EEF1AKMT1: variants seen among roughly 807,000 people sequenced by gnomAD.
EEF1AKMT1 encodes the protein EEF1A lysine methyltransferase 1, also known as N-6 adenine-specific DNA methyltransferase 2 (putative).
Under a neutral mutation model 21.0 loss-of-function variants are expected in EEF1AKMT1, and 18 were observed. The observed-to-expected ratio is 0.86, with a 90% CI of 0.59 to 1.27. The LOEUF (loss-of-function observed/expected upper bound fraction) is 1.27, where lower values mean the gene tolerates loss of function less well. EEF1AKMT1 is among the 50% of genes most tolerant of loss of function. EEF1AKMT1 has a pLI of 0.00. For synonymous variants in EEF1AKMT1, 109 were observed against 94.8 expected, an observed-to-expected ratio of 1.15 and a Z score of -0.87; for missense variants, 246 against 258.6, an observed-to-expected ratio of 0.95 and a Z score of 0.33.
Position 20,756,467 on chromosome 13 carries a change from G to A in EEF1AKMT1, c.144+988C>T, listed in dbSNP as rs535398532. Among the ~76,000 whole-genome samples, 8 of 152,046 alleles carry A rather than the reference G, an allele frequency of 5.3e-5. No individual in the cohort carries two copies. In the South Asian group the frequency reaches 6.3e-4, roughly 12 times the overall value. ...GTTTAAGTTCAGTTCCCCAATTTCC[G>A]GCAATGATAATATTTTCTCTTTCCA... On this transcript the variant is annotated intron_variant, in intron 2 of 4. Transcript: ENST00000382758.
At chr13:20,745,493 T>C (rs2058898303) in intron 2 of EEF1AKMT1, among the ~76,000 whole-genome samples, 2 of 152,288 alleles carry the variant, frequency 1.3e-5, no homozygotes, top group Admixed American at 1.3e-4. Flanking sequence ...TTGTCTATTA[T>C]TGGACCTTTT....
chr13:20,750,348 C>G (rs1414830329), intron 2 of EEF1AKMT1, among the ~76,000 whole-genome samples: 3 of 152,008 alleles, frequency 2.0e-5, no homozygotes, highest in Admixed American at 6.6e-5. Flanking sequence ...TTTTCATCAC[C>G]CCCACCCCAC....
At chr13:20,747,462 C>CTTTTGTTTTTTTT (rs2058911927) in intron 2 of EEF1AKMT1, 1 of 87,632 alleles carries the variant, frequency 1.1e-5, no homozygotes, top group Non-Finnish European at 2.0e-5. Context: ...TAGGCACATT[C>CTTTTGTTTTTTTT]TTTTTTTTTT....
chr13:20,764,918 C>CACACACACACA (rs55773311), intron 1 of EEF1AKMT1, among the ~76,000 whole-genome samples: 2 of 146,710 alleles, frequency 1.4e-5, no homozygotes, highest in South Asian at 2.1e-4. Flanking sequence ...CACACACACA[C>CACACACACACA]CCTAATTTTG....
chr13:20,731,489 G>T (rs193093320), intron 4 of EEF1AKMT1, among the ~76,000 whole-genome samples: 63 of 152,252 alleles, frequency 4.1e-4, no homozygotes, highest in African/African-American at 1.4e-3. Flanking sequence ...GTAACCTCAG[G>T]CAATTCACTT....
intron 1 of EEF1AKMT1, chr13:20,769,475 C>T (rs78486804): frequency 0.02 from 2,983 of 152,266 alleles, 35 homozygotes; most frequent in Admixed American, 0.032. Flanking sequence ...TTTATCCCTT[C>T]GGGAAGCCAG....
Position 20,738,653 on chromosome 13 carries a change from A to T in EEF1AKMT1, c.145-848T>A, listed in dbSNP as rs144298902. On this transcript the variant is annotated intron_variant, in intron 2 of 4. Transcript: ENST00000382758. ...TACAATGAAATATTATTTGGCCATAAAAAGGAACAGGGTACTGATATATGC... is the reference window on the plus strand; with the variant it reads ...TACAATGAAATATTATTTGGCCATATAAAGGAACAGGGTACTGATATATGC... 2.9e-3 allele frequency among the ~76,000 whole-genome samples: 435 copies of T among 152,322 alleles called. 9 individuals carry two copies. Among genetic ancestry groups the T allele is most frequent in the African/African-American group, 9.6e-3 (399 of 41,572 alleles).
chr13:20,739,097 G>A (rs983145567), intron 2 of EEF1AKMT1, among the ~76,000 whole-genome samples: 2 of 152,124 alleles, frequency 1.3e-5, no homozygotes, highest in Non-Finnish European at 2.9e-5. Context: ...GAGTGAAGCT[G>A]CAGACCTTCG....
chr13:20,738,921 G>A (rs532118702), intron 2 of EEF1AKMT1, among the ~76,000 whole-genome samples: 1 of 152,214 alleles, frequency 6.6e-6, no homozygotes, highest in Non-Finnish European at 1.5e-5. Flanking sequence ...TGTGTGTCCG[G>A]AATTGGTGGG....
At chr13:20,753,006 T>C (rs1431726818) in intron 2 of EEF1AKMT1, among the ~76,000 whole-genome samples, 2 of 152,144 alleles carry the variant, frequency 1.3e-5, no homozygotes, top group Admixed American at 1.3e-4. Flanking sequence ...CTTGCTTTTC[T>C]AGTTTCTTAA....
chr13:20,771,340 C>T (rs1384301098), intron 1 of EEF1AKMT1, among the ~76,000 whole-genome samples: 2 of 152,122 alleles, frequency 1.3e-5, no homozygotes, highest in Non-Finnish European at 2.9e-5. Context: ...ATAAAATTGT[C>T]GCCTTTCATA....
chr13:20,765,000 G>A (rs540950175), intron 1 of EEF1AKMT1, among the ~76,000 whole-genome samples: 19 of 151,388 alleles, frequency 1.3e-4, no homozygotes, highest in Middle Eastern at 3.4e-3. Context: ...AGTGGCTCAC[G>A]CCTGTTATCC....
rs549577937 is a variant in EEF1AKMT1, at chr13:20,734,897, C to T, written c.228-2776G>A. On this transcript the variant is annotated intron_variant, in intron 3 of 4. Coordinates refer to ENST00000382758, the MANE Select transcript of EEF1AKMT1 (RefSeq NM_001318939.2). ...CATATAATCAAAAAAAGAAAAAGAA[C>T]AGTTAAAAGAAAAATGGAAGATTTC... 3.3e-5 allele frequency among the ~76,000 whole-genome samples: 5 copies of T among 152,140 alleles called. No homozygotes were observed. The South Asian group carries it at 1.0e-3, about 32-fold the overall frequency.
At chr13:20,731,038 T>G (rs1300697358) in intron 4 of EEF1AKMT1, among the ~76,000 whole-genome samples, 1 of 152,184 alleles carries the variant, frequency 6.6e-6, no homozygotes, top group East Asian at 1.9e-4. Context: ...GGTGCCGCCT[T>G]TAAGAGCTGT....
chr13:20,765,803 C>G (rs1330145540), intron 1 of EEF1AKMT1, among the ~76,000 whole-genome samples: 1 of 150,708 alleles, frequency 6.6e-6, no homozygotes, highest in Non-Finnish European at 1.5e-5. Flanking sequence ...TACCAAAAGA[C>G]AAAATAGGAA....
At position 20,728,982 on chromosome 13, in the gene EEF1AKMT1, G is replaced by C. The variant is rs1467016616; in HGVS notation, c.*98C>G. On this transcript the variant is annotated 3_prime_UTR_variant, in exon 5 of 5. Transcript: ENST00000382758. The stretch of plus-strand genomic sequence containing the variant: ...ACCAGGCCAGGGACAGCTCCAGTTT[G>C]GGGGGAGGGGAAGAGATTATAACTT... The C allele has an allele frequency of 2.7e-6, 4 of 1,474,916 alleles. No homozygotes were observed. Among genetic ancestry groups the C allele is most frequent in the Admixed American group, 3.5e-5 (2 of 57,430 alleles). The allele number at this position is 1,474,916 out of a possible 1,614,324, so 91.4% of individuals were successfully genotyped here.
In EEF1AKMT1 at chr13:20,729,041, G is replaced by A; in HGVS notation, c.*39C>T. The A allele has an allele frequency of 6.2e-7, 1 of 1,611,256 alleles. No homozygotes were observed. Among genetic ancestry groups the A allele is most frequent in the Non-Finnish European group, 8.5e-7 (1 of 1,177,686 alleles). ...ACTACGAAAATACAAAAAGAGGAAT[G>A]TGACAGGGTTCCTTCCTGTGTTATG... is the stretch of plus-strand genomic sequence containing the variant. On this transcript the variant is annotated 3_prime_UTR_variant, in exon 5 of 5. Transcript: ENST00000382758.
At chr13:20,766,822 AAAAAAAAC>A (rs2059036155) in intron 1 of EEF1AKMT1, among the ~76,000 whole-genome samples, 1 of 151,780 alleles carries the variant, frequency 6.6e-6, no homozygotes, top group Middle Eastern at 3.4e-3. Flanking sequence ...ACTCCATCTC[AAAAAAAAC>A]AAAAAAAGAA....
chr13:20,762,891 T>A (rs1011042588), intron 1 of EEF1AKMT1, among the ~76,000 whole-genome samples: 3 of 152,204 alleles, frequency 2.0e-5, no homozygotes, highest in Admixed American at 2.0e-4. Context: ...GGGTGTTGAA[T>A]TTTCAAATAA....
Sources: gnomAD v4.1 joint callset for allele counts (sites outside exome capture counted in the v4.1 genomes callset) on GRCh38, gnomAD v4.1.1 for gene constraint, MANE v1.5 for transcripts, NCBI Gene and HGNC (gene_info 2026-07-23, HGNC 2026-07-21) for gene names.